Variants in KAZN observed in about 807,000 individuals in gnomAD.
The protein encoded by KAZN is kazrin.
A neutral mutation model predicts 87.4 loss-of-function variants in KAZN; 40 were observed. That is an observed-to-expected ratio of 0.46 (90% CI 0.36 to 0.60). The LOEUF (loss-of-function observed/expected upper bound fraction) is 0.60, where lower values mean the gene tolerates loss of function less well. Among genes scored for constraint, KAZN ranks in the 20% least tolerant of loss-of-function variants. The pLI is 0.00. For synonymous variants in KAZN, 466 were observed against 458.3 expected (o/e 1.02, Z -0.22); for missense variants, 898 against 1,073.9 (o/e 0.84, Z 2.29).
intron 2 of KAZN, among the ~76,000 whole-genome samples, chr1:14,468,473 T>C (rs2148364409): frequency 6.6e-6 from 1 of 152,280 alleles, no homozygotes; most frequent in African/African-American, 2.4e-5. Context: ...CTAGCCAACG[T>C]GCCCACTTTG....
chr1:14,264,922 AAGTC>A (rs1651355742), intron 2 of KAZN, among the ~76,000 whole-genome samples: 2 of 152,204 alleles, frequency 1.3e-5, no homozygotes, highest in Non-Finnish European at 2.9e-5. Flanking sequence ...TACATCTGCA[AAGTC>A]TCTTATTCAT....
At position 14,463,429 on chromosome 1, in the gene KAZN, C is replaced by G. The variant is rs143410553; in HGVS notation, c.250-135554C>G. Among the ~76,000 whole-genome samples the G allele has an allele frequency of 5.5e-4, 84 of 152,314 alleles. 2 individuals carry two copies. The East Asian group carries it at 0.015, about 28-fold the overall frequency. ...CCAACCTCTTCACTCTCCTCCACAT[C>G]AAGTTTCCTCAACCAGCCCAGGTTT... On this transcript the variant is annotated intron_variant, in intron 2 of 16. Transcript: ENST00000636203.
chr1:14,819,576 GC>G (rs1646674382), intron 1 of KAZN, among the ~76,000 whole-genome samples: 1 of 151,882 alleles, frequency 6.6e-6, no homozygotes, highest in South Asian at 2.1e-4. Context: ...TTTCCAGTCT[GC>G]CAAAGTGCCC....
intron 4 of KAZN, among the ~76,000 whole-genome samples, chr1:15,048,723 G>A (rs1270700229): frequency 2.1e-5 from 3 of 145,308 alleles, no homozygotes; most frequent in South Asian, 2.2e-4. Flanking sequence ...GTCCTGGGTC[G>A]TTGGTCATGG....
At chr1:15,085,420 C>G (rs1392760320) in intron 8 of KAZN, among the ~76,000 whole-genome samples, 2 of 152,102 alleles carry the variant, frequency 1.3e-5, no homozygotes, top group Non-Finnish European at 2.9e-5. Flanking sequence ...CTCCACCTCC[C>G]AGGTACAAGC....
intron 1 of KAZN, among the ~76,000 whole-genome samples, chr1:14,046,924 A>C (rs1297992741): frequency 6.6e-6 from 1 of 152,210 alleles, no homozygotes; most frequent in Non-Finnish European, 1.5e-5. Context: ...ATCGGAAGGC[A>C]ATCCTGTAAT....
intron 8 of KAZN, among the ~76,000 whole-genome samples, chr1:15,084,803 C>T (rs1254665554): frequency 2.0e-5 from 3 of 152,108 alleles, no homozygotes; most frequent in Admixed American, 6.5e-5. Context: ...CAAAGATTCC[C>T]GCAAATTAAG....
At chr1:14,110,556 A>G (rs1273279544) in intron 1 of KAZN, among the ~76,000 whole-genome samples, 5 of 152,016 alleles carry the variant, frequency 3.3e-5, no homozygotes, top group Non-Finnish European at 7.3e-5. Flanking sequence ...TCTATTGCAT[A>G]TCTATCTATT....
intron 3 of KAZN, among the ~76,000 whole-genome samples, chr1:15,036,164 AGCT>A (rs747533597): frequency 2.7e-5 from 4 of 149,862 alleles, no homozygotes; most frequent in Non-Finnish European, 5.9e-5. Flanking sequence ...TGGGACTTCT[AGCT>A]GCCCTCAGTG....
chr1:14,546,591 C>A (rs1673160995), intron 2 of KAZN, among the ~76,000 whole-genome samples: 1 of 152,052 alleles, frequency 6.6e-6, no homozygotes, highest in African/African-American at 2.4e-5. Context: ...ATCTTTCCTG[C>A]AGAGAAAACG....
intron 1 of KAZN, among the ~76,000 whole-genome samples, chr1:14,941,421 G>C (rs1429534779): frequency 6.6e-6 from 1 of 152,174 alleles, no homozygotes; most frequent in South Asian, 2.1e-4. Context: ...ACAAAAAAGA[G>C]GAGGGCAAAG....
intron 1 of KAZN, among the ~76,000 whole-genome samples, chr1:14,660,387 C>T (rs1388913528): frequency 2.0e-5 from 3 of 152,162 alleles, no homozygotes; most frequent in Non-Finnish European, 4.4e-5. Context: ...TGCACACACA[C>T]CCATGTTCAG....
intron 1 of KAZN, among the ~76,000 whole-genome samples, chr1:14,835,013 G>A (rs1385192460): frequency 6.6e-6 from 1 of 152,192 alleles, no homozygotes; most frequent in African/African-American, 2.4e-5. Flanking sequence ...GTGTTTCTGT[G>A]TTCAGTTAAA....
chr1:14,600,818 T>A (rs1281417761), intron 1 of KAZN, among the ~76,000 whole-genome samples: 1 of 152,228 alleles, frequency 6.6e-6, no homozygotes, highest in Non-Finnish European at 1.5e-5. Flanking sequence ...AATGCTCGTT[T>A]ATTTCCCACT....
rs926375448 is a variant in KAZN at position 14,321,013 on chromosome 1, GAA to G, written c.249+140423_249+140424del. ...TTTATTTTTGCTTTAAGGCATTTTT[GAA>G]AGAGTTCATTTTAAAAATCATATTC... On this transcript the variant is annotated intron_variant, in intron 2 of 16. Coordinates refer to the KAZN transcript ENST00000636203. 2.8e-4 allele frequency among the ~76,000 whole-genome samples: 43 copies of G among 152,224 alleles called. 2 individuals are homozygous for G. The highest frequency in any genetic ancestry group is 9.6e-4 in the African/African-American group (40 of 41,522).
chr1:14,004,105 CA>C (rs34370589), intron 1 of KAZN, among the ~76,000 whole-genome samples: 1,927 of 149,754 alleles, frequency 0.013, 41 homozygotes, highest in African/African-American at 0.045. Flanking sequence ...CTAAACTGCC[CA>C]AAAAAAAAGC....
chr1:15,017,027 G>A (rs551053888), intron 2 of KAZN, among the ~76,000 whole-genome samples: 8 of 152,076 alleles, frequency 5.3e-5, no homozygotes, highest in South Asian at 4.1e-4. Context: ...GTTGGGCGCC[G>A]TGGCTTATGC....
At chr1:13,894,693 T>C (rs980419732) in intron 1 of KAZN, among the ~76,000 whole-genome samples, 9 of 152,278 alleles carry the variant, frequency 5.9e-5, no homozygotes, top group African/African-American at 1.9e-4. Context: ...GATGCTTTCA[T>C]TGGGTAGTTG....
rs1054732019 is a variant in KAZN at position 15,056,442 on chromosome 1, A to G, written c.916+162A>G. 6.6e-6 allele frequency among the ~76,000 whole-genome samples: 1 copy of G among 152,218 alleles called. No homozygotes were observed. The highest frequency in any genetic ancestry group is 2.4e-5 in the African/African-American group (1 of 41,446). On this transcript the variant is annotated intron_variant, in intron 5 of 14. Transcript: ENST00000376030. This position sits in a 1 kb window ranked among gnomAD's most constrained non-coding sequence, Gnocchi z 5.4. ...TAACTGAAAAATCTAAGAGATGGAC[A>G]GCAGGCATAGCTGGATCCAGAGGTT...
Sources: allele counts gnomAD v4.1 joint callset (sites outside exome capture counted in the v4.1 genomes callset), GRCh38; gene constraint gnomAD v4.1.1; non-coding constraint Gnocchi (gnomAD v3.1); transcripts MANE v1.5; gene names NCBI Gene and HGNC (gene_info 2026-07-23, HGNC 2026-07-21).